Variants in ANO2 observed in about 807,000 individuals in gnomAD.
ANO2 encodes the protein anoctamin 2.
ANO2 carries 101 observed loss-of-function variants against 124.2 expected under a neutral mutation model. The ratio of observed to expected loss-of-function variants is 0.81; its 90% CI spans 0.69 to 0.96. The LOEUF (loss-of-function observed/expected upper bound fraction) is 0.96, where lower values mean the gene tolerates loss of function less well. ANO2 is among the 40% of genes least tolerant of loss of function. The probability of loss-of-function intolerance (pLI) is 0.00; values close to 1 mark genes in which losing one functional copy is unlikely to be tolerated. For synonymous variants in ANO2, 486 were observed against 482.5 expected, an observed-to-expected ratio of 1.01 and a Z score of -0.09; for missense variants, 1,293 against 1,274.5, an observed-to-expected ratio of 1.01 and a Z score of -0.22.
chr12:5,659,627 T>C (rs430862), intron 14 of ANO2, among the ~76,000 whole-genome samples: 152,260 of 152,372 alleles, frequency 1, 76,075 homozygotes, highest in Middle Eastern at 1. Flanking sequence ...GGAAAACATT[T>C]TTTCTTCCTC....
chr12:5,621,244 A>G (rs541407493), intron 16 of ANO2, among the ~76,000 whole-genome samples: 1 of 152,316 alleles, frequency 6.6e-6, no homozygotes, highest in East Asian at 1.9e-4. Context: ...GACCCCAGCT[A>G]TTGCCAGATG....
chr12:5,832,580 G>C lies in ANO2; in HGVS notation c.657C>G (p.Gly219=), dbSNP rs1171215979. 6.2e-7 allele frequency: 1 copy of C among 1,613,518 alleles called. No homozygotes were observed. The highest frequency in any genetic ancestry group is 8.5e-7 in the Non-Finnish European group (1 of 1,179,740). ...CCGCGCTGAACTTCTTTGCAATGCT[G>C]CCTCCTGCTTTGATCTCGTACATCT... ...TKKMYEIKAG[G]SIAKKFSAAL... is the part of the protein sequence containing the mutation. The change falls in exon 5 of 25, where the codon GGC becomes GGG. Residue 219 remains glycine, a synonymous_variant. Transcript: ENST00000682330.
At chr12:5,942,538 C>T (rs541466117) in intron 1 of ANO2, among the ~76,000 whole-genome samples, 8 of 152,350 alleles carry the variant, frequency 5.3e-5, no homozygotes, top group East Asian at 3.9e-4. Context: ...GCCAGGAACA[C>T]GTGGCCTGAG....
At chr12:5,926,620 T>C (rs1187943780) in intron 1 of ANO2, among the ~76,000 whole-genome samples, 2 of 152,206 alleles carry the variant, frequency 1.3e-5, no homozygotes, top group African/African-American at 4.8e-5. Context: ...CACCTACTAT[T>C]TTGGTCCTTA....
chr12:5,612,375 ATAT>A (rs1565474077), intron 19 of ANO2, among the ~76,000 whole-genome samples: 2 of 152,132 alleles, frequency 1.3e-5, no homozygotes, highest in Non-Finnish European at 2.9e-5. Context: ...TAGCATTAAG[ATAT>A]TATGCACTCT....
At chr12:5,844,147 AG>A (rs902979909) in intron 4 of ANO2, among the ~76,000 whole-genome samples, 50 of 152,336 alleles carry the variant, frequency 3.3e-4, no homozygotes, top group African/African-American at 1.2e-3. Context: ...AGAATATTCT[AG>A]GACTAAGGAC....
At chr12:5,645,486 C>CAT (rs1946593936) in intron 15 of ANO2, among the ~76,000 whole-genome samples, 1 of 151,844 alleles carries the variant, frequency 6.6e-6, no homozygotes, top group Non-Finnish European at 1.5e-5. Context: ...ATATAAAAAT[C>CAT]ATATATATAA....
At chr12:5,825,705 C>G (rs1410342313) in intron 7 of ANO2, among the ~76,000 whole-genome samples, 7 of 152,170 alleles carry the variant, frequency 4.6e-5, no homozygotes, top group African/African-American at 1.4e-4. Context: ...GTCTACTACT[C>G]CACAACAGAG....
At chr12:5,886,146 A>G (rs1458119636) in intron 3 of ANO2, among the ~76,000 whole-genome samples, 1 of 152,244 alleles carries the variant, frequency 6.6e-6, no homozygotes, top group East Asian at 1.9e-4. Context: ...AAAAGCAGAG[A>G]GGAAAAGTAG....
intron 9 of ANO2, among the ~76,000 whole-genome samples, chr12:5,802,519 A>G (rs1953072746): frequency 6.6e-6 from 1 of 152,200 alleles, no homozygotes; most frequent in Non-Finnish European, 1.5e-5. Context: ...CCAATCTTTA[A>G]GAAGGTTTAG....
chr12:5,603,761 C>T (rs887080430), intron 19 of ANO2, among the ~76,000 whole-genome samples: 1 of 151,666 alleles, frequency 6.6e-6, no homozygotes, highest in Non-Finnish European at 1.5e-5. Context: ...CTGGCTAACA[C>T]GGTGAAACCC....
At chr12:5,695,638 C>T (rs867493158) in intron 14 of ANO2, among the ~76,000 whole-genome samples, 7 of 152,084 alleles carry the variant, frequency 4.6e-5, no homozygotes, top group African/African-American at 1.7e-4. Context: ...GTCAGGAGTT[C>T]GAAACCAGCC....
intron 13 of ANO2, among the ~76,000 whole-genome samples, chr12:5,735,112 A>T (rs1032586636): frequency 6.6e-6 from 1 of 152,112 alleles, no homozygotes; most frequent in Non-Finnish European, 1.5e-5. Context: ...GAATCCCTCA[A>T]ATTGGACAAC....
chr12:5,808,929 A>C (rs1953292712), intron 7 of ANO2, among the ~76,000 whole-genome samples: 1 of 152,090 alleles, frequency 6.6e-6, no homozygotes, highest in South Asian at 2.1e-4. Context: ...TCCAGGCCCC[A>C]CGTGGGAGCA....
chr12:5,711,931 A>T (rs996925016), intron 14 of ANO2, among the ~76,000 whole-genome samples: 2 of 152,210 alleles, frequency 1.3e-5, no homozygotes, highest in Non-Finnish European at 2.9e-5. Context: ...TTCAGAGGTC[A>T]TGGTGTCCAA....
At chr12:5,652,503 A>G (rs1946960636) in intron 14 of ANO2, among the ~76,000 whole-genome samples, 1 of 151,966 alleles carries the variant, frequency 6.6e-6, no homozygotes, top group South Asian at 2.1e-4. Flanking sequence ...CCTAATATCC[A>G]TTTCCTGTTC....
intron 22 of ANO2, among the ~76,000 whole-genome samples, chr12:5,576,508 T>C (rs750063285): frequency 6.6e-6 from 1 of 152,212 alleles, no homozygotes; most frequent in Admixed American, 6.5e-5. Flanking sequence ...CCATTATCTC[T>C]CAACACTTTT....
At chr12:5,783,827 T>C (rs1217019684) in intron 10 of ANO2, among the ~76,000 whole-genome samples, 2 of 152,098 alleles carry the variant, frequency 1.3e-5, no homozygotes, top group African/African-American at 4.8e-5. Context: ...GAACCCCTTC[T>C]CCCACTAGGG....
chr12:5,713,317 C>T (rs1205848817), intron 14 of ANO2, among the ~76,000 whole-genome samples: 3 of 152,174 alleles, frequency 2.0e-5, no homozygotes, highest in African/African-American at 7.2e-5. Flanking sequence ...TGTCATTTAA[C>T]AAGAATGAAC....
Sources: allele counts gnomAD v4.1 joint callset (sites outside exome capture counted in the v4.1 genomes callset), GRCh38; gene constraint gnomAD v4.1.1; transcripts MANE v1.5; gene names NCBI Gene and HGNC (gene_info 2026-07-23, HGNC 2026-07-21).